The following CALD1 variants were observed in gnomAD, a reference collection of about 807,000 sequenced individuals.
CALD1 encodes the protein caldesmon.
Under a neutral mutation model 99.9 loss-of-function variants are expected in CALD1, and 33 were observed. The ratio of observed to expected loss-of-function variants is 0.33; its 90% CI spans 0.25 to 0.44. The LOEUF is 0.44. Ranked by LOEUF, CALD1 falls within the 20% of genes least tolerant of loss-of-function variation. The pLI is 1.00. For missense variants in CALD1, 861 were observed against 962.1 expected (o/e 0.89, Z 1.39); for synonymous variants, 310 against 325.0 (o/e 0.95, Z 0.50).
chr7:134,902,848 C>T (rs977634506), intron 3 of CALD1, among the ~76,000 whole-genome samples: 1 of 152,118 alleles, frequency 6.6e-6, no homozygotes, highest in African/African-American at 2.4e-5. Context: ...CCTAGGGCTA[C>T]CTTAACAAAG....
the CALD1 span, among the ~76,000 whole-genome samples, chr7:134,725,199 C>T: frequency 6.6e-6 from 1 of 152,296 alleles, no homozygotes; most frequent in South Asian, 2.1e-4. Context: ...CCCAGACTAG[C>T]TCTATTCAAG....
intron 3 of CALD1, among the ~76,000 whole-genome samples, chr7:134,912,981 G>C (rs975557608): frequency 6.6e-6 from 1 of 151,970 alleles, no homozygotes; most frequent in Non-Finnish European, 1.5e-5. Flanking sequence ...AAAATTAAGC[G>C]GGGCTGAGCG....
At chr7:134,899,492 C>T (rs962328284) in intron 3 of CALD1, among the ~76,000 whole-genome samples, 2 of 152,152 alleles carry the variant, frequency 1.3e-5, no homozygotes, top group South Asian at 2.1e-4. Flanking sequence ...TATGAGTCAC[C>T]GCGCCCAGCC....
the CALD1 span, among the ~76,000 whole-genome samples, chr7:134,718,324 T>G: frequency 6.6e-6 from 1 of 152,176 alleles, no homozygotes; most frequent in Non-Finnish European, 1.5e-5. Flanking sequence ...CTCATCAATC[T>G]TATGAAGTAG....
intron 1 of CALD1, among the ~76,000 whole-genome samples, chr7:134,809,937 T>C (rs2009372): frequency 0.66 from 100,766 of 152,022 alleles, 33,734 homozygotes; most frequent in East Asian, 0.93. Context: ...AGAACACCCT[T>C]GAGTTTAAGG....
At chr7:134,941,680 G>A (rs962663621) in intron 7 of CALD1, among the ~76,000 whole-genome samples, 18 of 151,994 alleles carry the variant, frequency 1.2e-4, no homozygotes, top group Non-Finnish European at 1.9e-4. Flanking sequence ...ATAAGACTAA[G>A]ATTGTTTTGT....
At chr7:134,927,576 A>G (rs1805130040) in intron 3 of CALD1, among the ~76,000 whole-genome samples, 1 of 149,004 alleles carries the variant, frequency 6.7e-6, no homozygotes, top group Non-Finnish European at 1.5e-5. Flanking sequence ...AAAAAAAAAA[A>G]GCTAAATAAT....
intron 1 of CALD1, among the ~76,000 whole-genome samples, chr7:134,790,087 G>A (rs1020049246): frequency 2.0e-5 from 3 of 148,104 alleles, no homozygotes; most frequent in Non-Finnish European, 3.0e-5. Flanking sequence ...AATAAGGAGA[G>A]AGAGAGAGAG....
At chr7:134,881,552 G>A (rs931838680) in intron 3 of CALD1, among the ~76,000 whole-genome samples, 2 of 152,090 alleles carry the variant, frequency 1.3e-5, no homozygotes, top group African/African-American at 2.4e-5. Context: ...TGCGCATGAC[G>A]TACGTTTATC....
At chr7:134,779,984 TAG>T (rs1387614489) in intron 1 of CALD1, among the ~76,000 whole-genome samples, 1 of 152,168 alleles carries the variant, frequency 6.6e-6, no homozygotes, top group Non-Finnish European at 1.5e-5. Flanking sequence ...AGTGACCATA[TAG>T]AGACTTACAT....
At chr7:134,924,410 G>A (rs1338387566) in intron 3 of CALD1, among the ~76,000 whole-genome samples, 1 of 152,060 alleles carries the variant, frequency 6.6e-6, no homozygotes, top group Non-Finnish European at 1.5e-5. Flanking sequence ...AACCTGTGGT[G>A]TTAGTAGGAT....
chr7:134,748,210 T>C (rs777214280), intron 1 of CALD1, among the ~76,000 whole-genome samples: 3 of 152,382 alleles, frequency 2.0e-5, no homozygotes, highest in African/African-American at 7.2e-5. Context: ...ATCTAGCCTA[T>C]GCCTGTCCCA....
intron 2 of CALD1, among the ~76,000 whole-genome samples, chr7:134,854,089 A>AT (rs1164679753): frequency 6.6e-5 from 10 of 151,662 alleles, no homozygotes; most frequent in Admixed American, 3.3e-4. Context: ...TATGTGCTAC[A>AT]TTTTTTTTAA....
Position 134,790,082 on chromosome 7 carries a change from GGAGAGA to G in CALD1, c.-130+10352_-130+10357del, listed in dbSNP as rs56962467. Among the ~76,000 whole-genome samples the G allele has an allele frequency of 4.7e-3, 675 of 142,312 alleles. 7 individuals carry two copies. The highest frequency in any genetic ancestry group is 0.017 in the African/African-American group (640 of 38,068). 93.4% of individuals were successfully genotyped at this position (142,312 alleles called of 152,430 possible). ...GAGAGGAAAAGAGAAAAAGAAATAAGGAGAGAGAGAGAGAGAGAGAGAGAAAGGAGA... is the reference window on the plus strand; with the variant it reads ...GAGAGGAAAAGAGAAAAAGAAATAAGGAGAGAGAGAGAGAGAGAAAGGAGA... On this transcript the variant is annotated intron_variant, in intron 1 of 14. Transcript: ENST00000361675.
At position 134,864,035 on chromosome 7, in the gene CALD1, C is replaced by T. The variant is rs560454353; in HGVS notation, c.-41-3658C>T. 8.5e-5 allele frequency among the ~76,000 whole-genome samples: 13 copies of T among 152,202 alleles called. No homozygotes were observed. The East Asian group carries it at 9.7e-4, about 11-fold the overall frequency. On this transcript the variant is annotated intron_variant, in intron 2 of 14. Coordinates refer to ENST00000361675, the MANE Select transcript of CALD1 (RefSeq NM_033138.4). Reference sequence around the variant, plus strand: ...GTCACATCATGCCAATCCCCTGGGCCGCAGGCTCGTGGCTTTGTTCAAAAA... The same window carrying T: ...GTCACATCATGCCAATCCCCTGGGCTGCAGGCTCGTGGCTTTGTTCAAAAA...
Position 134,968,347 on chromosome 7 carries a change from A to G in CALD1, c.*2A>G. 1 of 1,613,770 alleles carries G rather than the reference A, an allele frequency of 6.2e-7. No homozygotes were observed. The highest frequency in any genetic ancestry group is 8.5e-7 in the Non-Finnish European group (1 of 1,179,734). ...GTTCTCTTCTCTTGGCAGGTTTGAG[A>G]CAGTTCCAGAAAGAACCCAAGCTCA... On this transcript the variant is annotated 3_prime_UTR_variant, in exon 15 of 15. Coordinates refer to ENST00000361675, the MANE Select transcript of CALD1 (RefSeq NM_033138.4).
Position 134,910,285 on chromosome 7 carries a change from G to A in CALD1, c.72-18469G>A, listed in dbSNP as rs188360501. 4.2e-4 allele frequency among the ~76,000 whole-genome samples: 64 copies of A among 152,268 alleles called. 1 individual carries two copies. The highest frequency in any genetic ancestry group is 1.6e-3 in the Admixed American group (24 of 15,298). ...TGAATGTAAACTGACAAGACAGCCC[G>A]TGATAGGGTGGATTTAACTATTTTG... On this transcript the variant is annotated intron_variant, in intron 3 of 14. Transcript: ENST00000361675.
At chr7:134,726,962 A>G in the CALD1 span, among the ~76,000 whole-genome samples, 10 of 152,306 alleles carry the variant, frequency 6.6e-5, no homozygotes, top group South Asian at 2.1e-4. Flanking sequence ...CATTGTTGGC[A>G]GTACTGCCGC....
chr7:134,934,076 A>T lies in CALD1; in HGVS notation c.1307A>T (p.Gln436Leu), dbSNP rs1805757886. ...DKLQTAVLKK[Q>L]GEEKGTKVQA... is the part of the protein sequence containing the mutation. ...CTTCAGACAGCTGTCCTAAAGAAAC[A>T]GGTACAGTAAACATTTTGCACCAAA... Residue 436 changes from glutamine (Q) to leucine (L), a missense_variant and splice_region_variant, in exon 5 of 15, where the codon CAG (glutamine) becomes CTG (leucine). Gln to Leu is a moderately radical substitution (Grantham distance 113). Coordinates refer to ENST00000361675, the MANE Select transcript of CALD1 (RefSeq NM_033138.4). 1 of 1,600,314 alleles carries T rather than the reference A, an allele frequency of 6.2e-7. No individual in the cohort carries two copies. Among genetic ancestry groups the T allele is most frequent in the Non-Finnish European group, 8.5e-7 (1 of 1,175,338 alleles).
Sources: gnomAD v4.1 joint callset for allele counts (sites outside exome capture counted in the v4.1 genomes callset) on GRCh38, gnomAD v4.1.1 for gene constraint, MANE v1.5 for transcripts, NCBI Gene and HGNC (gene_info 2026-07-23, HGNC 2026-07-21) for gene names.